The following SLC16A7 variants were observed in gnomAD, a reference collection of about 807,000 sequenced individuals.
The protein encoded by SLC16A7 is monocarboxylate transporter 2.
Under a neutral mutation model 34.9 loss-of-function variants are expected in SLC16A7, and 33 were observed. The observed-to-expected ratio is 0.94, with a 90% CI of 0.72 to 1.26. The LOEUF (loss-of-function observed/expected upper bound fraction) is 1.26, where lower values mean the gene tolerates loss of function less well. Among genes scored for constraint, SLC16A7 ranks in the 50% most tolerant of loss-of-function variants. The pLI is 0.00. For synonymous variants in SLC16A7, 201 were observed against 206.6 expected (o/e 0.97, Z 0.23); for missense variants, 573 against 578.1 (o/e 0.99, Z 0.09).
chr12:59,728,453 CCTGGGAGATGGATATG>C (rs1052124767), intron 3 of SLC16A7, among the ~76,000 whole-genome samples: 4 of 152,134 alleles, frequency 2.6e-5, no homozygotes, highest in African/African-American at 9.7e-5. Flanking sequence ...TGAGTTTGCC[CCTGGGAGATGGATATG>C]CTTTCAGATT....
intron 2 of SLC16A7, among the ~76,000 whole-genome samples, chr12:59,659,203 T>TGCAC (rs1316996184): frequency 1.3e-5 from 2 of 151,954 alleles, no homozygotes; most frequent in East Asian, 1.9e-4. Context: ...AAAATGCATG[T>TGCAC]GCACGCACAC....
At chr12:59,756,074 A>T (rs61933834) in intron 3 of SLC16A7, among the ~76,000 whole-genome samples, 4,088 of 152,324 alleles carry the variant, frequency 0.027, 91 homozygotes, top group Non-Finnish European at 0.045. Flanking sequence ...CTGAAACTGG[A>T]TCCCTTCCTT....
chr12:59,614,442 A>G (rs1027122988), intron 1 of SLC16A7, among the ~76,000 whole-genome samples: 11 of 152,332 alleles, frequency 7.2e-5, no homozygotes, highest in East Asian at 3.9e-4. Flanking sequence ...TCTTTATGCT[A>G]TTAAAGGCAT....
chr12:59,701,109 T>G (rs1358386125), intron 2 of SLC16A7, among the ~76,000 whole-genome samples: 2 of 151,786 alleles, frequency 1.3e-5, no homozygotes, highest in Admixed American at 6.6e-5. Context: ...TTCAAAAATG[T>G]AATTTTAAGA....
At chr12:59,753,765 A>G (rs1050273663) in intron 3 of SLC16A7, among the ~76,000 whole-genome samples, 1 of 152,170 alleles carries the variant, frequency 6.6e-6, no homozygotes, top group African/African-American at 2.4e-5. Context: ...CCTGATAGAC[A>G]TCTGCAGAAC....
intron 3 of SLC16A7, among the ~76,000 whole-genome samples, chr12:59,717,943 A>G (rs1298553974): frequency 1.3e-5 from 2 of 152,136 alleles, no homozygotes; most frequent in Admixed American, 1.3e-4. Flanking sequence ...TGAAAGATAT[A>G]TTTTCTGCAG....
At chr12:59,610,704 G>A (rs1164008678) in intron 1 of SLC16A7, among the ~76,000 whole-genome samples, 1 of 152,206 alleles carries the variant, frequency 6.6e-6, no homozygotes, top group Non-Finnish European at 1.5e-5. Flanking sequence ...CTAGCCCTCT[G>A]ATAGGAAACA....
chr12:59,601,534 G>A (rs1878682967), intron 1 of SLC16A7, among the ~76,000 whole-genome samples: 2 of 152,158 alleles, frequency 1.3e-5, no homozygotes, highest in Non-Finnish European at 2.9e-5. Context: ...TGGGATTATT[G>A]GCATTTGGGG....
At chr12:59,716,458 A>G (rs550175636) in intron 3 of SLC16A7, among the ~76,000 whole-genome samples, 13 of 152,322 alleles carry the variant, frequency 8.5e-5, no homozygotes, top group African/African-American at 3.1e-4. Flanking sequence ...AAGGAGAAAT[A>G]TGATGTGTGT....
chr12:59,649,434 G>C (rs186706659), intron 1 of SLC16A7, among the ~76,000 whole-genome samples: 1 of 152,280 alleles, frequency 6.6e-6, no homozygotes, highest in East Asian at 1.9e-4. Context: ...TGTAAACAGA[G>C]CTTTGGTTTA....
intron 1 of SLC16A7, among the ~76,000 whole-genome samples, chr12:59,614,312 CAGGCATG>C (rs1268637254): frequency 4.6e-5 from 7 of 152,098 alleles, no homozygotes; most frequent in African/African-American, 1.7e-4. Context: ...GCTGGGATTA[CAGGCATG>C]AGCCACTGTG....
chr12:59,695,852 G>A (rs923501209), intron 2 of SLC16A7, among the ~76,000 whole-genome samples: 3 of 152,092 alleles, frequency 2.0e-5, no homozygotes, highest in South Asian at 2.1e-4. Flanking sequence ...TAGAGATTTA[G>A]CATATTTTTC....
intron 3 of SLC16A7, among the ~76,000 whole-genome samples, chr12:59,738,582 G>A (rs1189965651): frequency 6.6e-6 from 1 of 152,098 alleles, no homozygotes; most frequent in Non-Finnish European, 1.5e-5. Context: ...CCTACCCTTT[G>A]CTGGCATTTC....
chr12:59,736,673 C>T (rs1443638685), intron 3 of SLC16A7, among the ~76,000 whole-genome samples: 5 of 152,172 alleles, frequency 3.3e-5, no homozygotes, highest in African/African-American at 1.2e-4. Flanking sequence ...TGACCAGCCT[C>T]GTTGGAACTC....
chr12:59,711,310 A>G (rs35975163), intron 3 of SLC16A7, among the ~76,000 whole-genome samples: 15,388 of 152,222 alleles, frequency 0.1, 1,003 homozygotes, highest in East Asian at 0.18. Flanking sequence ...AAAGAGATTA[A>G]TATGTTATGT....
rs563560187 is a variant in SLC16A7, at chr12:59,768,131, G to A, written c.218-3088G>A. ...TACATTTTGTAAGCTTACAGCTGCC[G>A]TACATAATGACTCCTCTGATGAATC... On this transcript the variant is annotated intron_variant, in intron 3 of 5. Coordinates refer to ENST00000547379, the MANE Select transcript of SLC16A7 (RefSeq NM_001270623.2). 150 of 454,270 alleles carry A rather than the reference G, an allele frequency of 3.3e-4. 2 individuals are homozygous for A. The Middle Eastern group carries it at 4.6e-3, about 14-fold the overall frequency. 28.1% of individuals were successfully genotyped at this position (454,270 alleles called of 1,614,324 possible).
chr12:59,701,191 A>G (rs544638444), intron 2 of SLC16A7, among the ~76,000 whole-genome samples: 2 of 151,122 alleles, frequency 1.3e-5, no homozygotes, highest in East Asian at 3.9e-4. Flanking sequence ...TCTAGTACGT[A>G]TTAGTCATGC....
chr12:59,624,457 A>G (rs537849431), intron 1 of SLC16A7, among the ~76,000 whole-genome samples: 1 of 151,828 alleles, frequency 6.6e-6, no homozygotes, highest in Non-Finnish European at 1.5e-5. Context: ...TGCTATATAA[A>G]TGAGCATGAC....
At chr12:59,725,970 T>C (rs1373852498) in intron 3 of SLC16A7, among the ~76,000 whole-genome samples, 1 of 152,208 alleles carries the variant, frequency 6.6e-6, no homozygotes, top group Non-Finnish European at 1.5e-5. Context: ...TTGTGTTTAG[T>C]GTGTTCTCAG....
Sources: gnomAD v4.1 joint callset for allele counts (sites outside exome capture counted in the v4.1 genomes callset) on GRCh38, gnomAD v4.1.1 for gene constraint, MANE v1.5 for transcripts, NCBI Gene and HGNC (gene_info 2026-07-23, HGNC 2026-07-21) for gene names.